The following MACROD1 variants were observed in gnomAD, a reference collection of about 807,000 sequenced individuals.
MACROD1 encodes the protein mono-ADP ribosylhydrolase 1.
In MACROD1, 31 loss-of-function variants were observed where a neutral mutation model predicts 41.4. The ratio of observed to expected loss-of-function variants is 0.75; its 90% CI spans 0.56 to 1.01. The LOEUF (loss-of-function observed/expected upper bound fraction) is 1.01. Among genes scored for constraint, MACROD1 ranks in the 50% least tolerant of loss-of-function variants. The pLI, the probability that MACROD1 is intolerant of heterozygous loss-of-function variation, is 0.00. For missense variants in MACROD1, 473 were observed against 460.0 expected, an observed-to-expected ratio of 1.03 and a Z score of -0.26; for synonymous variants, 252 against 203.4, an observed-to-expected ratio of 1.24 and a Z score of -2.03.
chr11:64,078,577 C>T (rs185924336), intron 3 of MACROD1, among the ~76,000 whole-genome samples: 82 of 152,308 alleles, frequency 5.4e-4, no homozygotes, highest in Admixed American at 4.9e-3. Flanking sequence ...GCCCTGTGCC[C>T]CACAGGGTCC....
intron 4 of MACROD1, among the ~76,000 whole-genome samples, chr11:64,013,311 G>A (rs1482462830): frequency 1.3e-5 from 2 of 152,222 alleles, no homozygotes; most frequent in East Asian, 3.8e-4. Flanking sequence ...GGAGGCAGCT[G>A]CAATTTCAGC....
chr11:64,001,865 T>G, intron 4 of MACROD1: 1 of 671,496 alleles, frequency 1.5e-6, no homozygotes, highest in Non-Finnish European at 2.7e-6. Context: ...GCAACGTGAG[T>G]TCACATCCTG....
chr11:63,999,992 C>T, intron 5 of MACROD1: 2 of 649,822 alleles, frequency 3.1e-6, no homozygotes, highest in South Asian at 1.9e-5. Flanking sequence ...GAGACCCGAG[C>T]GCGAGTGTGG....
At position 64,015,294 on chromosome 11, in the gene MACROD1, G is replaced by C. The variant is rs545097054; in HGVS notation, c.518-13C>G. 12 of 1,605,814 alleles carry C rather than the reference G, an allele frequency of 7.5e-6. No homozygotes were observed. Among genetic ancestry groups the C allele is most frequent in the African/African-American group, 2.7e-5 (2 of 74,682 alleles). On this transcript the variant is annotated splice_polypyrimidine_tract_variant and intron_variant, in intron 3 of 10. Transcript: ENST00000255681. ...AGGGAGCTGTTGGCTGCAAGAGAGAGAGACAAAGGCAGATCAGTGGGGAAG... is the reference window on the plus strand; with the variant it reads ...AGGGAGCTGTTGGCTGCAAGAGAGACAGACAAAGGCAGATCAGTGGGGAAG...
chr11:64,109,423 C>T (rs1010254853), intron 3 of MACROD1, among the ~76,000 whole-genome samples: 1 of 152,142 alleles, frequency 6.6e-6, no homozygotes, highest in Admixed American at 6.5e-5. Context: ...CCGGCCTCTC[C>T]CCACTCGTGA....
chr11:64,121,290 G>A (rs1311526906), intron 3 of MACROD1, among the ~76,000 whole-genome samples: 2 of 152,220 alleles, frequency 1.3e-5, no homozygotes, highest in Admixed American at 6.5e-5. Context: ...CTAACTGGGC[G>A]AGGGCGGGGC....
At chr11:64,163,950 AATATC>A (rs1945796135) in intron 1 of MACROD1, among the ~76,000 whole-genome samples, 2 of 152,078 alleles carry the variant, frequency 1.3e-5, no homozygotes, top group Admixed American at 1.3e-4. Context: ...ACGGGTCTGG[AATATC>A]ATTACCCAGC....
At chr11:64,117,306 G>T (rs755874846) in intron 3 of MACROD1, 1 of 1,614,152 alleles carries the variant, frequency 6.2e-7, no homozygotes, top group South Asian at 1.1e-5. Context: ...GAAGGCACGG[G>T]CGGCCGTGGT....
rs1724583742 is a variant in MACROD1 at position 64,122,315 on chromosome 11, G to A, written c.517+28924C>T. Reference sequence around the variant, plus strand: ...CAGGGGCCTCCCTGACACAGGGCCAGGATGCAGGTCCGGAGCCAAGAGCAG... The same window carrying A: ...CAGGGGCCTCCCTGACACAGGGCCAAGATGCAGGTCCGGAGCCAAGAGCAG... On this transcript the variant is annotated intron_variant, in intron 3 of 10. Coordinates refer to ENST00000255681, the MANE Select transcript of MACROD1 (RefSeq NM_014067.4). This position sits in a 1 kb window ranked among gnomAD's most constrained non-coding sequence, Gnocchi z 4.0. 6.6e-6 allele frequency among the ~76,000 whole-genome samples: 1 copy of A among 152,226 alleles called. No homozygotes were observed. Among genetic ancestry groups the A allele is most frequent in the African/African-American group, 2.4e-5 (1 of 41,464 alleles).
At chr11:64,162,977 C>T (rs566230010) in intron 1 of MACROD1, among the ~76,000 whole-genome samples, 103 of 152,022 alleles carry the variant, frequency 6.8e-4, no homozygotes, top group African/African-American at 2.3e-3. Context: ...AAAAATTAGC[C>T]GGGCGTGATG....
At chr11:64,144,092 A>C (rs1399860605) in intron 3 of MACROD1, among the ~76,000 whole-genome samples, 1 of 145,096 alleles carries the variant, frequency 6.9e-6, no homozygotes, top group Non-Finnish European at 1.5e-5. Context: ...AGCCCCCCCA[A>C]CTCAGGCCCC....
At chr11:64,092,710 A>C (rs1944510994) in intron 3 of MACROD1, among the ~76,000 whole-genome samples, 1 of 152,190 alleles carries the variant, frequency 6.6e-6, no homozygotes, top group African/African-American at 2.4e-5. Flanking sequence ...TCACCACTGC[A>C]TGTCACCAGC....
At chr11:64,128,600 G>A in intron 3 of MACROD1, among the ~76,000 whole-genome samples, 1 of 151,900 alleles carries the variant, frequency 6.6e-6, no homozygotes, top group South Asian at 2.1e-4. Flanking sequence ...CACTCAGGAA[G>A]GCCCTGTGTC....
intron 3 of MACROD1, among the ~76,000 whole-genome samples, chr11:64,140,204 A>T (rs1344992701): frequency 6.6e-6 from 1 of 152,216 alleles, no homozygotes; most frequent in East Asian, 1.9e-4. Context: ...CTCTGGGGAC[A>T]TCCCCTGTCC....
At chr11:64,149,480 G>A (rs749074365) in intron 3 of MACROD1, among the ~76,000 whole-genome samples, 2 of 152,140 alleles carry the variant, frequency 1.3e-5, no homozygotes, top group African/African-American at 2.4e-5. Flanking sequence ...GACTCCCAAG[G>A]GCACTTAGGA....
At chr11:64,006,912 G>A (rs900683315) in intron 4 of MACROD1, among the ~76,000 whole-genome samples, 6 of 152,208 alleles carry the variant, frequency 3.9e-5, no homozygotes, top group Non-Finnish European at 7.3e-5. Context: ...TGGCCATGTC[G>A]TAAGTACTGA....
rs114345759 is a variant in MACROD1 at position 64,119,911 on chromosome 11, G to A, written c.517+31328C>T. Among the ~76,000 whole-genome samples the A allele has an allele frequency of 3.4e-3, 517 of 151,996 alleles. 2 individuals are homozygous for A. Among genetic ancestry groups the A allele is most frequent in the African/African-American group, 0.012 (502 of 41,398 alleles). The stretch of plus-strand genomic sequence containing the variant: ...GAGCCTGGGGTTCCGACGTGCCTGC[G>A]TCCCAGTACTCAGGGAGCCCGGGTC... On this transcript the variant is annotated intron_variant, in intron 3 of 10. Coordinates refer to ENST00000255681, the MANE Select transcript of MACROD1 (RefSeq NM_014067.4).
intron 3 of MACROD1, among the ~76,000 whole-genome samples, chr11:64,150,129 G>T (rs1123251): frequency 0.35 from 53,117 of 152,156 alleles, 11,999 homozygotes; most frequent in Non-Finnish European, 0.5. Context: ...GACGCATAGA[G>T]CAAGGTTGCT....
rs958479161 is a variant in MACROD1 at position 64,158,072 on chromosome 11, C to T, written c.299-5679G>A. ...AGAAGCCCCCCGACTCCCAGGGGTA[C>T]CTGGAAAATTTGCCAGTGCTGCAGT... On this transcript the variant is annotated intron_variant, in intron 1 of 10. Transcript: ENST00000255681. 3.9e-5 allele frequency among the ~76,000 whole-genome samples: 6 copies of T among 152,332 alleles called. No individual in the cohort carries two copies. The South Asian group carries it at 8.3e-4, about 21-fold the overall frequency.
Sources: gnomAD v4.1 joint callset for allele counts (sites outside exome capture counted in the v4.1 genomes callset) on GRCh38, gnomAD v4.1.1 for gene constraint, Gnocchi (gnomAD v3.1) non-coding constraint, MANE v1.5 for transcripts, NCBI Gene and HGNC (gene_info 2026-07-23, HGNC 2026-07-21) for gene names.